Variants in TOPBP1 observed in about 807,000 individuals in gnomAD.
TOPBP1 encodes the protein DNA topoisomerase 2-binding protein 1.
A neutral mutation model predicts 167.7 loss-of-function variants in TOPBP1; 28 were observed. The ratio of observed to expected loss-of-function variants is 0.17; its 90% CI spans 0.12 to 0.23. The LOEUF (loss-of-function observed/expected upper bound fraction) is 0.23. Ranked by LOEUF, TOPBP1 falls within the 10% of genes least tolerant of loss-of-function variation. The pLI, the probability that TOPBP1 is intolerant of heterozygous loss-of-function variation, is 1.00. For synonymous variants in TOPBP1, 598 were observed against 611.4 expected (o/e 0.98, Z 0.32); for missense variants, 1,554 against 1,809.6 (o/e 0.86, Z 2.56).
intron 10 of TOPBP1, among the ~76,000 whole-genome samples, chr3:133,647,122 C>T (rs1373551): frequency 0.88 from 134,403 of 152,164 alleles, 59,455 homozygotes; most frequent in East Asian, 0.97. Flanking sequence ...CTTTAGTAAA[C>T]AGACCAAAAC....
intron 10 of TOPBP1, among the ~76,000 whole-genome samples, chr3:133,646,995 T>C (rs925014094): frequency 1.3e-5 from 2 of 152,198 alleles, no homozygotes; most frequent in African/African-American, 4.8e-5. Context: ...ACCCAGACCC[T>C]TGGAATGTAA....
intron 6 of TOPBP1, among the ~76,000 whole-genome samples, chr3:133,654,902 A>G (rs970877514): frequency 6.6e-6 from 1 of 152,158 alleles, no homozygotes; most frequent in Non-Finnish European, 1.5e-5. Context: ...CTGTTCTGTA[A>G]AGATTTTAAA....
chr3:133,643,097 T>A (rs902104047), intron 12 of TOPBP1, 103 bp downstream of exon 12: 21 of 1,148,460 alleles, frequency 1.8e-5, no homozygotes, highest in Admixed American at 3.0e-5. Flanking sequence ...CTCATAAATA[T>A]AATAAAGACA....
In TOPBP1 at chr3:133,608,417, A is replaced by G. The variant is rs377476863; in HGVS notation, c.4425+118T>C. On this transcript the variant is annotated intron_variant, in intron 27 of 27. Coordinates refer to ENST00000260810, the MANE Select transcript of TOPBP1 (RefSeq NM_007027.4). ...ACTGAAAGGGCTGGAATAGAAGAGA[A>G]TAACAGGAGACTAATCTTCTACTAA... 104 of 1,136,954 alleles carry G rather than the reference A, an allele frequency of 9.1e-5. 2 individuals carry two copies. Among genetic ancestry groups the G allele is most frequent in the African/African-American group, 6.7e-4 (43 of 64,430 alleles). 70.4% of individuals were successfully genotyped at this position (1,136,954 alleles called of 1,614,324 possible).
chr3:133,629,214 C>A (rs1254405474), intron 14 of TOPBP1, among the ~76,000 whole-genome samples: 1 of 152,078 alleles, frequency 6.6e-6, no homozygotes, highest in African/African-American at 2.4e-5. Context: ...AAGCCACCAA[C>A]AGTTCCCTCC....
intron 14 of TOPBP1, among the ~76,000 whole-genome samples, chr3:133,637,541 T>C (rs1935718999): frequency 6.6e-6 from 1 of 152,238 alleles, no homozygotes; most frequent in South Asian, 2.1e-4. Context: ...TTGATCTTTA[T>C]AATCTATGAA....
At chr3:133,657,993 C>A in intron 3 of TOPBP1, 52 bp from the exon 4 acceptor site, 2 of 1,387,050 alleles carry the variant, frequency 1.4e-6, no homozygotes, top group South Asian at 1.7e-5. Context: ...GACCACCAGT[C>A]TTACAAAATT....
At chr3:133,619,553 C>T (rs62282416) in intron 20 of TOPBP1, among the ~76,000 whole-genome samples, 45,333 of 151,906 alleles carry the variant, frequency 0.3, 8,311 homozygotes, top group East Asian at 0.54. Flanking sequence ...ATAAATTTTA[C>T]AAGGAGAATA....
At chr3:133,655,156 G>C (rs989024474) in intron 6 of TOPBP1, 134 bp downstream of exon 6, 2 of 409,940 alleles carry the variant, frequency 4.9e-6, no homozygotes, top group Non-Finnish European at 7.2e-6. Flanking sequence ...AGTGAGCTGA[G>C]ATTGTGCCAC....
Position 133,611,059 on chromosome 3 carries a change from G to C in TOPBP1, c.4118C>G (p.Ala1373Gly), listed in dbSNP as rs1934658931. Residue 1373 changes from alanine to glycine, a missense_variant, in exon 25 of 28, where the codon GCA becomes GGA. Physicochemically the swap from Ala to Gly is moderately conservative, Grantham distance 60 (BLOSUM62 0). This residue lies in a region of TOPBP1 where 351 missense variants were observed against 432.9 expected (regional missense o/e 0.81). Transcript: ENST00000260810. The part of the protein sequence containing the change: ...INVQQRRLAL[A>G]AMRWRKKIQQ... ...GATTTTTTTTCTCCATCTCATTGCT[G>C]CAAGTGCTAGTCTTCGTTGCTGTAC... The C allele has an allele frequency of 6.2e-7, 1 of 1,613,286 alleles. No individual in the cohort carries two copies. The highest frequency in any genetic ancestry group is 8.5e-7 in the Non-Finnish European group (1 of 1,179,556).
At chr3:133,660,680 A>C (rs1936668325) in intron 2 of TOPBP1, among the ~76,000 whole-genome samples, 2 of 152,222 alleles carry the variant, frequency 1.3e-5, no homozygotes, top group Admixed American at 1.3e-4. Flanking sequence ...ACATAATAAA[A>C]CATAATTTTT....
intron 24 of TOPBP1, among the ~76,000 whole-genome samples, chr3:133,611,447 T>A (rs1246576155): frequency 6.6e-6 from 1 of 152,226 alleles, no homozygotes; most frequent in East Asian, 1.9e-4. Context: ...AAATTTCACC[T>A]GCTGTAAGAC....
At chr3:133,640,220 CG>C in intron 12 of TOPBP1, 50 bp from the exon 13 acceptor site, 1 of 1,489,600 alleles carries the variant, frequency 6.7e-7, no homozygotes, top group African/African-American at 1.4e-5. Context: ...ACAATTAACC[CG>C]CAAAACTAAC....
chr3:133,611,024 G>T lies in TOPBP1; in HGVS notation c.4153C>A (p.Gln1385Lys). 2 of 1,612,354 alleles carry T rather than the reference G, an allele frequency of 1.2e-6. No homozygotes were observed. The highest frequency in any genetic ancestry group is 1.7e-6 in the Non-Finnish European group (2 of 1,178,966). Reference sequence around the variant, plus strand: ...AATACCTCAACAATGCCAGATTCTTGTCTTTGCTGGATTTTTTTTCTCCAT... The same window carrying T: ...AATACCTCAACAATGCCAGATTCTTTTCTTTGCTGGATTTTTTTTCTCCAT... The part of the protein sequence containing the change: ...MRWRKKIQQR[Q>K]ESGIVEGAFS... Residue 1385 changes from glutamine to lysine, a missense_variant, in exon 25 of 28, where the codon CAA (glutamine) becomes AAA (lysine). By Grantham distance (53) the Gln-to-Lys change is moderately conservative (BLOSUM62 1). Transcript: ENST00000260810.
chr3:133,614,764 C>G (rs895553243), intron 23 of TOPBP1, among the ~76,000 whole-genome samples: 4 of 148,310 alleles, frequency 2.7e-5, no homozygotes, highest in African/African-American at 1.0e-4. Context: ...AACTGGGAAA[C>G]AAAGTGTTTT....
At chr3:133,654,559 G>A (rs964300409) in intron 6 of TOPBP1, among the ~76,000 whole-genome samples, 4 of 152,036 alleles carry the variant, frequency 2.6e-5, no homozygotes, top group Admixed American at 6.6e-5. Context: ...CCATTTAATC[G>A]TAATTTCTTC....
At chr3:133,636,565 T>C (rs1935684852) in intron 14 of TOPBP1, among the ~76,000 whole-genome samples, 1 of 152,214 alleles carries the variant, frequency 6.6e-6, no homozygotes, top group Non-Finnish European at 1.5e-5. Context: ...GTTTTTTGTA[T>C]TGAGGCTATT....
chr3:133,649,610 C>T lies in TOPBP1; in HGVS notation c.1277G>A (p.Trp426Ter). 6.2e-7 allele frequency: 1 copy of T among 1,613,622 alleles called. No individual in the cohort carries two copies. Among genetic ancestry groups the T allele is most frequent in the Non-Finnish European group, 8.5e-7 (1 of 1,179,812 alleles). Residue 426 changes from tryptophan to a stop codon, truncating the protein, a stop_gained, in exon 10 of 28, where the codon TGG becomes TAG. Coordinates refer to ENST00000260810, the MANE Select transcript of TOPBP1 (RefSeq NM_007027.4). LOFTEE classifies it high-confidence loss of function. ...ACCTTTACTGAAACACTCTAGCAAC[C>T]ACTTTGCTCCCACTACATGAGGCCT... ...AHRPHVVGAK[W>*]LLECFSKGYM...
chr3:133,643,583 T>C (rs1935972423), intron 11 of TOPBP1, among the ~76,000 whole-genome samples: 1 of 152,190 alleles, frequency 6.6e-6, no homozygotes, highest in African/African-American at 2.4e-5. Context: ...CTAATTACAT[T>C]AGGCTATTAA....
Sources: allele counts gnomAD v4.1 joint callset (sites outside exome capture counted in the v4.1 genomes callset), GRCh38; gene constraint gnomAD v4.1.1; regional missense constraint gnomAD v4.1.1; transcripts MANE v1.5; gene names NCBI Gene and HGNC (gene_info 2026-07-23, HGNC 2026-07-21).